Variants in NR2F1 observed in about 807,000 individuals in gnomAD.
NR2F1 encodes COUP transcription factor 1.
Under a neutral mutation model 37.7 loss-of-function variants are expected in NR2F1, and 1 was observed. The observed-to-expected ratio is 0.03, with a 90% CI of 0.01 to 0.13. NR2F1 has a LOEUF of 0.13. Ranked by LOEUF, NR2F1 falls within the 10% of genes least tolerant of loss-of-function variation. NR2F1 has a pLI of 1.00. For synonymous variants in NR2F1, 275 were observed against 259.6 expected (o/e 1.06, Z -0.57); for missense variants, 268 against 578.4 (o/e 0.46, Z 5.50).
rs1753162410 is a variant in NR2F1 at position 93,583,382 on chromosome 5, CTT to C, written c.-1641_-1640del. 6.6e-6 allele frequency: 1 copy of C among 150,846 alleles called. No homozygotes were observed. The highest frequency in any genetic ancestry group is 1.5e-5 in the Non-Finnish European group (1 of 67,800). 9.3% of individuals were successfully genotyped at this position (150,846 alleles called of 1,614,324 possible). On this transcript the variant is annotated 5_prime_UTR_variant, in exon 1 of 3. Transcript: ENST00000327111. ...CCCTCCTCTCCTCTCTCTCTCCTCTCTTCTCTGAACCTCTCTTCTCTTTCTCT... is the reference window on the plus strand; with the variant it reads ...CCCTCCTCTCCTCTCTCTCTCCTCTCCTCTGAACCTCTCTTCTCTTTCTCT...
At chr5:93,585,971 G>C (rs1454139104) in intron 1 of NR2F1, among the ~76,000 whole-genome samples, 34 of 152,124 alleles carry the variant, frequency 2.2e-4, no homozygotes, top group Non-Finnish European at 4.4e-5. Flanking sequence ...GGGAGGGCTG[G>C]GGGCTGGAGT....
rs751163796 is a variant in NR2F1 at position 93,588,312 on chromosome 5, A to T, written c.859A>T (p.Met287Leu). 5.0e-6 allele frequency: 8 copies of T among 1,613,164 alleles called. No individual in the cohort carries two copies. The Admixed American group carries it at 6.7e-5, about 13-fold the overall frequency. ...CGCCGCCGGCCTGCATGCCTCGCCC[A>T]TGTCTGCCGACCGCGTCGTGGCCTT... ...LAAAGLHASP[M>L]SADRVVAFMD... The change falls in exon 2 of 3, where the codon ATG becomes TTG. Residue 287 changes from methionine to leucine, a missense_variant. Met to Leu is a conservative substitution (Grantham distance 15). Coordinates refer to ENST00000327111, the MANE Select transcript of NR2F1 (RefSeq NM_005654.6).
intron 2 of NR2F1, among the ~76,000 whole-genome samples, chr5:93,590,769 A>G (rs1352660682): frequency 6.6e-6 from 1 of 152,246 alleles, no homozygotes; most frequent in African/African-American, 2.4e-5. Context: ...TGCTTTGGCT[A>G]AGTATTTGAA....
Position 93,585,149 on chromosome 5 carries a change from G to A in NR2F1, c.126G>A (p.Gln42=), listed in dbSNP as rs1469585254. ...GGGGGAGEQQ[Q]QAGSGAPHTP... ...GCGGCGGCGCCGGCGAGCAGCAGCA[G>A]CAGGCGGGCTCGGGCGCGCCGCACA... The change falls in exon 1 of 3, where the codon CAG becomes CAA. Residue 42 remains glutamine, a synonymous_variant. Coordinates refer to ENST00000327111, the MANE Select transcript of NR2F1 (RefSeq NM_005654.6). 1.8e-6 allele frequency: 2 copies of A among 1,141,680 alleles called. No homozygotes were observed. The highest frequency in any genetic ancestry group is 2.1e-6 in the Non-Finnish European group (2 of 930,772). The allele number at this position is 1,141,680 out of a possible 1,614,324, so 70.7% of individuals were successfully genotyped here. A position where few individuals can be genotyped will look rare whatever the true frequency, so the allele number is the denominator to read the frequency against.
chr5:93,588,385 C>A lies in NR2F1; in HGVS notation c.932C>A (p.Ala311Glu). The change falls in exon 2 of 3, where the codon GCG (alanine) becomes GAG (glutamate). Residue 311 changes from alanine to glutamate, a missense_variant. Coordinates refer to ENST00000327111, the MANE Select transcript of NR2F1 (RefSeq NM_005654.6). ...CAGGAGCAGGTGGAGAAGCTCAAGG[C>A]GCTACACGTCGACTCAGCCGAGTAC... is the stretch of plus-strand genomic sequence containing the variant. Reference protein sequence around the residue: ...IFQEQVEKLKALHVDSAEYSC... With the variant: ...IFQEQVEKLKELHVDSAEYSC... The A allele has an allele frequency of 6.2e-7, 1 of 1,612,750 alleles. No individual in the cohort carries two copies. The highest frequency in any genetic ancestry group is 8.5e-7 in the Non-Finnish European group (1 of 1,179,754).
At chr5:93,588,674 C>G (rs1335495974) in intron 2 of NR2F1, among the ~76,000 whole-genome samples, 1 of 150,950 alleles carries the variant, frequency 6.6e-6, no homozygotes, top group Admixed American at 6.6e-5. Context: ...GCGGGTGCGG[C>G]CGGCGGGCGG....
intron 1 of NR2F1, chr5:93,587,532 C>A (rs896591925): frequency 1.0e-5 from 2 of 199,080 alleles, no homozygotes; most frequent in Non-Finnish European, 2.0e-5. Context: ...TCCGGTTTCG[C>A]CTTTTTTTAA....
chr5:93,589,881 GC>G (rs1753301968), intron 2 of NR2F1, among the ~76,000 whole-genome samples: 1 of 152,264 alleles, frequency 6.6e-6, no homozygotes, highest in Admixed American at 6.5e-5. Context: ...GGTGGCCAGA[GC>G]AATGGACTTG....
Position 93,584,973 on chromosome 5 carries a change from G to A in NR2F1, c.-51G>A. On this transcript the variant is annotated 5_prime_UTR_variant, in exon 1 of 3. Transcript: ENST00000327111. ...CTCCCAGCGCGCCCGCGCGCCCCGC[G>A]GCCCTCGGCGAGCAGCTCGGCTCCC... The A allele has an allele frequency of 2.3e-6, 2 of 886,244 alleles. No individual in the cohort carries two copies. The highest frequency in any genetic ancestry group is 2.7e-6 in the Non-Finnish European group (2 of 748,260). 54.9% of individuals were successfully genotyped at this position (886,244 alleles called of 1,614,324 possible).
intron 2 of NR2F1, among the ~76,000 whole-genome samples, chr5:93,588,786 C>G (rs1175406883): frequency 6.7e-6 from 1 of 149,774 alleles, no homozygotes; most frequent in Non-Finnish European, 1.5e-5. Flanking sequence ...TGCGCGCGCG[C>G]GCGCGCGTGT....
In NR2F1 at chr5:93,593,915, C is replaced by CTT; in HGVS notation, c.*73_*74insTT. Reference sequence around the variant, plus strand: ...CCCACCTGGGCCAAGGACTCCAAAGCCGCGGGGACACCGGGAAGTGCAGCG... The same window carrying CTT: ...CCCACCTGGGCCAAGGACTCCAAAGCTTCGCGGGGACACCGGGAAGTGCAGCG... On this transcript the variant is annotated 3_prime_UTR_variant, in exon 3 of 3. Transcript: ENST00000327111. This position sits in a 1 kb window ranked among gnomAD's most constrained non-coding sequence, Gnocchi z 5.6. 1.4e-6 allele frequency: 2 copies of CTT among 1,468,820 alleles called. No individual in the cohort carries two copies. The highest frequency in any genetic ancestry group is 1.9e-6 in the Non-Finnish European group (2 of 1,077,004). 91.0% of individuals were successfully genotyped at this position (1,468,820 alleles called of 1,614,324 possible).
Position 93,588,038 on chromosome 5 carries a change from C to T in NR2F1, c.585C>T (p.Ala195=), listed in dbSNP as rs374430367. 1.9e-6 allele frequency: 3 copies of T among 1,614,104 alleles called. No homozygotes were observed. The highest frequency in any genetic ancestry group is 1.3e-5 in the African/African-American group (1 of 75,082). ...LSGYISLLLR[A]EPYPTSRYGS... ...GCTACATCTCGCTGCTGCTGCGCGC[C>T]GAGCCCTACCCCACGTCGCGCTACG... is the stretch of plus-strand genomic sequence containing the variant. The change falls in exon 2 of 3, where the codon GCC becomes GCT. Residue 195 remains alanine, a synonymous_variant. Coordinates refer to ENST00000327111, the MANE Select transcript of NR2F1 (RefSeq NM_005654.6).
intron 2 of NR2F1, among the ~76,000 whole-genome samples, chr5:93,589,385 T>C (rs1292806913): frequency 6.6e-6 from 1 of 152,220 alleles, no homozygotes; most frequent in Non-Finnish European, 1.5e-5. Context: ...TTTTTATTAT[T>C]GTAACCTGTA....
intron 2 of NR2F1, among the ~76,000 whole-genome samples, chr5:93,592,677 C>T (rs1457189486): frequency 7.2e-6 from 1 of 138,514 alleles, no homozygotes; most frequent in African/African-American, 2.7e-5. Context: ...CCCACATCCC[C>T]CCCTACCCCC....
At chr5:93,587,543 C>G in intron 1 of NR2F1, 2 of 199,972 alleles carry the variant, frequency 1.0e-5, no homozygotes, top group Non-Finnish European at 1.9e-5. Context: ...CTTTTTTTAA[C>G]CCTGATTTTT....
intron 2 of NR2F1, among the ~76,000 whole-genome samples, 195 bp downstream of exon 2, chr5:93,588,639 G>A (rs1753275485): frequency 6.7e-6 from 1 of 150,336 alleles, no homozygotes; most frequent in African/African-American, 2.4e-5. Flanking sequence ...TCTTGGGAGC[G>A]CGGCGGTGCG....
chr5:93,588,813 C>T (rs1443012609), intron 2 of NR2F1, among the ~76,000 whole-genome samples: 2 of 146,782 alleles, frequency 1.4e-5, no homozygotes, highest in Non-Finnish European at 3.1e-5. Flanking sequence ...GTGTGTGTGT[C>T]TCTGTGTGTG....
chr5:93,591,207 C>A (rs770803050), intron 2 of NR2F1, among the ~76,000 whole-genome samples: 2 of 152,186 alleles, frequency 1.3e-5, no homozygotes, highest in African/African-American at 4.8e-5. Context: ...TTGACACTAC[C>A]GTATAAAAAG....
chr5:93,588,987 A>G (rs1462549769), intron 2 of NR2F1, among the ~76,000 whole-genome samples: 1 of 152,138 alleles, frequency 6.6e-6, no homozygotes. Context: ...AAAGAGAAGA[A>G]TACGCACAAA....
Sources: allele counts gnomAD v4.1 joint callset (sites outside exome capture counted in the v4.1 genomes callset), GRCh38; gene constraint gnomAD v4.1.1; non-coding constraint Gnocchi (gnomAD v3.1); transcripts MANE v1.5; gene names NCBI Gene and HGNC (gene_info 2026-07-23, HGNC 2026-07-21).